Variants in SPAG16 observed in about 807,000 individuals in gnomAD.
The protein encoded by SPAG16 is sperm-associated antigen 16 protein.
A neutral mutation model predicts 80.4 loss-of-function variants in SPAG16; 86 were observed. The observed-to-expected ratio is 1.07, with a 90% CI of 0.90 to 1.28. The LOEUF is 1.28. Ranked by LOEUF, SPAG16 falls within the 50% of genes most tolerant of loss-of-function variation. The pLI, the probability that SPAG16 is intolerant of heterozygous loss-of-function variation, is 0.00. For synonymous variants in SPAG16, 294 were observed against 265.9 expected (o/e 1.11, Z -1.03); for missense variants, 870 against 765.3 (o/e 1.14, Z -1.61).
At chr2:213,676,140 T>A (rs1255890276) in intron 10 of SPAG16, among the ~76,000 whole-genome samples, 1 of 151,424 alleles carries the variant, frequency 6.6e-6, no homozygotes, top group Non-Finnish European at 1.5e-5. Flanking sequence ...TTTATTCTCT[T>A]TGAAGCAATT....
At chr2:213,569,782 A>C (rs1411983668) in intron 10 of SPAG16, among the ~76,000 whole-genome samples, 1 of 122,828 alleles carries the variant, frequency 8.1e-6, no homozygotes, top group Admixed American at 7.8e-5. Flanking sequence ...CTCTTTTTCT[A>C]TTGATTGGAA....
chr2:213,309,807 GTA>G (rs2063108126), intron 3 of SPAG16, among the ~76,000 whole-genome samples: 1 of 151,978 alleles, frequency 6.6e-6, no homozygotes, highest in South Asian at 2.1e-4. Flanking sequence ...ATCTGTCATA[GTA>G]TATGTTTTTT....
intron 15 of SPAG16, among the ~76,000 whole-genome samples, chr2:214,184,470 G>C (rs1025437159): frequency 6.6e-6 from 1 of 151,912 alleles, no homozygotes; most frequent in Non-Finnish European, 1.5e-5. Flanking sequence ...ACACTGATTT[G>C]TTTTGCTTTA....
At chr2:213,737,681 G>T (rs538756166) in intron 10 of SPAG16, among the ~76,000 whole-genome samples, 153 of 151,906 alleles carry the variant, frequency 1.0e-3, no homozygotes, top group Non-Finnish European at 1.6e-4. Flanking sequence ...GTAGAGACGG[G>T]GTTTCATCGT....
intron 8 of SPAG16, among the ~76,000 whole-genome samples, chr2:213,366,074 G>A (rs186060260): frequency 0.39 from 56,367 of 145,140 alleles, 11,729 homozygotes; most frequent in East Asian, 0.67. Flanking sequence ...CCCGGGAGGC[G>A]GAGCTTGCAG....
At chr2:213,566,896 A>T (rs1309815527) in intron 10 of SPAG16, among the ~76,000 whole-genome samples, 1 of 152,220 alleles carries the variant, frequency 6.6e-6, no homozygotes, top group Admixed American at 6.5e-5. Context: ...AAATATAAGA[A>T]TCACTTTTTA....
chr2:213,863,515 G>A (rs1004695252), intron 11 of SPAG16, among the ~76,000 whole-genome samples: 2 of 151,928 alleles, frequency 1.3e-5, no homozygotes, highest in Admixed American at 6.6e-5. Flanking sequence ...AACTAAGTTT[G>A]TTTTTAACTT....
At chr2:214,086,971 T>C (rs771012735) in intron 13 of SPAG16, among the ~76,000 whole-genome samples, 1 of 152,166 alleles carries the variant, frequency 6.6e-6, no homozygotes. Flanking sequence ...TGTCAAGTAG[T>C]TACTACCAGA....
At position 213,349,397 on chromosome 2, in the gene SPAG16, A is replaced by G. The variant is rs551193260; in HGVS notation, c.645-1131A>G. Reference sequence around the variant, plus strand: ...GATGTTGGTTAATGGAAAATGTAATAAAACTGACAAATTTGATAATAAGAT... The same window carrying G: ...GATGTTGGTTAATGGAAAATGTAATGAAACTGACAAATTTGATAATAAGAT... On this transcript the variant is annotated intron_variant, in intron 6 of 15. Transcript: ENST00000331683. Among the ~76,000 whole-genome samples, 197 of 152,296 alleles carry G rather than the reference A, an allele frequency of 1.3e-3. 2 individuals are homozygous for G. Among genetic ancestry groups the G allele is most frequent in the Non-Finnish European group, 2.0e-3 (137 of 68,012 alleles).
intron 7 of SPAG16, among the ~76,000 whole-genome samples, chr2:213,360,257 T>C (rs1158618709): frequency 1.3e-5 from 2 of 152,204 alleles, no homozygotes; most frequent in Admixed American, 1.3e-4. Flanking sequence ...AAATTCTACA[T>C]TGTTCCTTAT....
intron 12 of SPAG16, among the ~76,000 whole-genome samples, chr2:213,971,735 CATACAT>C (rs145016331): frequency 1.1e-4 from 16 of 152,276 alleles, no homozygotes; most frequent in African/African-American, 3.6e-4. Context: ...TGCTGGTACA[CATACAT>C]ATGTTTAACT....
chr2:214,176,392 C>T (rs551889378), intron 15 of SPAG16, among the ~76,000 whole-genome samples: 62 of 151,226 alleles, frequency 4.1e-4, no homozygotes, highest in Middle Eastern at 3.4e-3. Context: ...ATAAAACTTA[C>T]AATGAAAAAA....
intron 12 of SPAG16, among the ~76,000 whole-genome samples, chr2:213,995,415 T>A (rs1424829154): frequency 6.6e-6 from 1 of 152,232 alleles, no homozygotes; most frequent in Non-Finnish European, 1.5e-5. Context: ...TCCTTTCTCT[T>A]CTTGCCATGA....
At chr2:214,143,345 A>G (rs541280886) in intron 14 of SPAG16, among the ~76,000 whole-genome samples, 1 of 149,558 alleles carries the variant, frequency 6.7e-6, no homozygotes, top group Admixed American at 6.8e-5. Flanking sequence ...AGCTATTACT[A>G]GTTTTTAATT....
intron 10 of SPAG16, among the ~76,000 whole-genome samples, chr2:213,643,247 G>T (rs574464472): frequency 1.4e-4 from 21 of 147,972 alleles, no homozygotes; most frequent in African/African-American, 5.0e-4. Flanking sequence ...TTGTTTGTTT[G>T]TTTGTTTTTA....
chr2:213,673,009 C>T (rs1051986442), intron 10 of SPAG16, among the ~76,000 whole-genome samples: 6 of 152,028 alleles, frequency 3.9e-5, no homozygotes, highest in African/African-American at 1.4e-4. Flanking sequence ...GATCTTTAGT[C>T]TTCTCTTTCT....
chr2:213,910,108 A>C (rs576026527), intron 11 of SPAG16, among the ~76,000 whole-genome samples: 1 of 152,310 alleles, frequency 6.6e-6, no homozygotes, highest in South Asian at 2.1e-4. Flanking sequence ...GGTTGTATGT[A>C]ATTCTGCTGC....
chr2:213,485,090 G>A (rs536473923), intron 9 of SPAG16, among the ~76,000 whole-genome samples: 2 of 151,408 alleles, frequency 1.3e-5, no homozygotes, highest in Admixed American at 1.3e-4. Flanking sequence ...CGCCTCCTGG[G>A]CTCAAGCGAT....
chr2:214,131,817 A>T (rs2125499337), intron 14 of SPAG16, among the ~76,000 whole-genome samples: 1 of 152,296 alleles, frequency 6.6e-6, no homozygotes, highest in Admixed American at 6.5e-5. Context: ...GGGAGGGATG[A>T]ATAGACAGGG....
Sources: gnomAD v4.1 joint callset for allele counts (sites outside exome capture counted in the v4.1 genomes callset) on GRCh38, gnomAD v4.1.1 for gene constraint, MANE v1.5 for transcripts, NCBI Gene and HGNC (gene_info 2026-07-23, HGNC 2026-07-21) for gene names.